TMCC3: variants seen among roughly 807,000 people sequenced by gnomAD.
TMCC3 encodes transmembrane and coiled-coil domain family 3, also known as transmembrane and coiled-coil domain protein 3.
Under a neutral mutation model 40.2 loss-of-function variants are expected in TMCC3, and 28 were observed. That is an observed-to-expected ratio of 0.70 (90% CI 0.52 to 0.95). TMCC3 has a LOEUF of 0.95. Ranked by LOEUF, TMCC3 falls within the 40% of genes least tolerant of loss-of-function variation. The pLI, the probability that TMCC3 is intolerant of heterozygous loss-of-function variation, is 0.00. For synonymous variants in TMCC3, 255 were observed against 248.5 expected, an observed-to-expected ratio of 1.03 and a Z score of -0.25; for missense variants, 554 against 615.2, an observed-to-expected ratio of 0.90 and a Z score of 1.05.
At chr12:94,590,070 A>T (rs2068663275) in intron 1 of TMCC3, among the ~76,000 whole-genome samples, 1 of 50,606 alleles carries the variant, frequency 2.0e-5, no homozygotes, top group Non-Finnish European at 4.4e-5. Context: ...CTGGAGCCAC[A>T]TCAGTCAGGT....
rs1178986394 is a variant in TMCC3, at chr12:94,572,330, A to ATTTTTTTT, written c.1132-594_1132-593insAAAAAAAA. 1.5e-3 allele frequency among the ~76,000 whole-genome samples: 123 copies of ATTTTTTTT among 82,902 alleles called. 8 individuals carry two copies. The highest frequency in any genetic ancestry group is 2.2e-3 in the African/African-American group (37 of 16,664). The allele number at this position is 82,902 out of a possible 152,430, so 54.4% of individuals were successfully genotyped here. A position where few individuals can be genotyped will look rare whatever the true frequency, so the allele number is the denominator to read the frequency against. On this transcript the variant is annotated intron_variant, in intron 3 of 3. Transcript: ENST00000261226. ...TCTTTTTTTTTTTTTTTTTTTTTTGAGACAGAGTTTCACTCTGTCACCCAG... is the reference window on the plus strand; with the variant it reads ...TCTTTTTTTTTTTTTTTTTTTTTTGATTTTTTTTGACAGAGTTTCACTCTGTCACCCAG...
rs1461717738 is a variant in TMCC3 at position 94,578,416 on chromosome 12, T to C, written c.1109A>G (p.Tyr370Cys). ...TACCTGGATGTCCCGCGAGCGCTCG[T>C]AGGCCTGGTAGGCCACCTTCTCCTC... ...SIEEKVAYQA[Y>C]ERSRDIQEAL... is the part of the protein sequence containing the mutation. Residue 370 changes from tyrosine (Y) to cysteine (C), a missense_variant, in exon 3 of 4, where the codon TAC (tyrosine) becomes TGC (cysteine). Coordinates refer to ENST00000261226, the MANE Select transcript of TMCC3 (RefSeq NM_020698.4). The C allele has an allele frequency of 5.6e-6, 9 of 1,614,062 alleles. No individual in the cohort carries two copies. Among genetic ancestry groups the C allele is most frequent in the Non-Finnish European group, 7.6e-6 (9 of 1,179,978 alleles).
At chr12:94,584,006 TG>T (rs2068622801) in intron 1 of TMCC3, among the ~76,000 whole-genome samples, 1 of 152,154 alleles carries the variant, frequency 6.6e-6, no homozygotes, top group Non-Finnish European at 1.5e-5. Context: ...ATATTCAGCA[TG>T]TTACCTTTTT....
At position 94,569,251 on chromosome 12, in the gene TMCC3, G is replaced by A. The variant is rs1311092023; in HGVS notation, c.*2184C>T. 1.3e-5 allele frequency: 2 copies of A among 152,254 alleles called. No homozygotes were observed. The highest frequency in any genetic ancestry group is 2.4e-5 in the African/African-American group (1 of 41,440). 9.4% of individuals were successfully genotyped at this position (152,254 alleles called of 1,614,324 possible). On this transcript the variant is annotated 3_prime_UTR_variant, in exon 4 of 4. Transcript: ENST00000261226. Reference sequence around the variant, plus strand: ...CCACCCAGGCCCCAGCTTGATTTAGGAGTGTAAGTTACACTCAGCACTCAG... The same window carrying A: ...CCACCCAGGCCCCAGCTTGATTTAGAAGTGTAAGTTACACTCAGCACTCAG...
intron 2 of TMCC3, among the ~76,000 whole-genome samples, chr12:94,580,831 T>C (rs1486613300): frequency 6.6e-6 from 1 of 152,218 alleles, no homozygotes; most frequent in East Asian, 1.9e-4. Context: ...AGTAAGTGTG[T>C]ACTTGACAGT....
chr12:94,597,165 AAAT>A (rs2068722608), intron 1 of TMCC3, among the ~76,000 whole-genome samples: 131 of 93,458 alleles, frequency 1.4e-3, no homozygotes, highest in Non-Finnish European at 1.6e-3. Context: ...ATATGTATAT[AAAT>A]TAGCCAGGCC....
At chr12:94,594,232 C>CACACACAGAGAG (rs1446763750) in intron 1 of TMCC3, among the ~76,000 whole-genome samples, 6 of 147,916 alleles carry the variant, frequency 4.1e-5, no homozygotes, top group African/African-American at 1.6e-4. Flanking sequence ...CACACACACA[C>CACACACAGAGAG]AGAGTGAGAG....
rs577732205 is a variant in TMCC3 at position 94,569,462 on chromosome 12, G to C, written c.*1973C>G. 2 of 152,316 alleles carry C rather than the reference G, an allele frequency of 1.3e-5. No individual in the cohort carries two copies. Among genetic ancestry groups the C allele is most frequent in the Non-Finnish European group, 2.9e-5 (2 of 68,048 alleles). 9.4% of individuals were successfully genotyped at this position (152,316 alleles called of 1,614,324 possible). A position where few individuals can be genotyped will look rare whatever the true frequency, so the allele number is the denominator to read the frequency against. On this transcript the variant is annotated 3_prime_UTR_variant, in exon 4 of 4. Coordinates refer to ENST00000261226, the MANE Select transcript of TMCC3 (RefSeq NM_020698.4). Reference sequence around the variant, plus strand: ...GACCAGGGGGAGTCTGACAATGAAAGGAGAGACAGCCATGAGATCAGGGTG... The same window carrying C: ...GACCAGGGGGAGTCTGACAATGAAACGAGAGACAGCCATGAGATCAGGGTG...
rs746473458 is a variant in TMCC3 at position 94,571,664 on chromosome 12, G to A, written c.1205C>T (p.Thr402Ile). 3.1e-6 allele frequency: 5 copies of A among 1,614,122 alleles called. No individual in the cohort carries two copies. The African/African-American group carries it at 5.3e-5, about 17-fold the overall frequency. ...GAGAACTTTAGCATTCACGGTGTCT[G>A]TCTGCAGAGCTTGCTGCTCTTGCTG... ...LHQQEQQALQ[T>I]DTVNAKVLLG... Residue 402 changes from threonine to isoleucine, a missense_variant, in exon 4 of 4, where the codon ACA (threonine) becomes ATA (isoleucine). Coordinates refer to ENST00000261226, the MANE Select transcript of TMCC3 (RefSeq NM_020698.4).
At chr12:94,635,554 T>C (rs2138880112) in intron 1 of TMCC3, among the ~76,000 whole-genome samples, 1 of 152,240 alleles carries the variant, frequency 6.6e-6, no homozygotes, top group African/African-American at 2.4e-5. Flanking sequence ...AGCAAAATTT[T>C]AAAACACACA....
At chr12:94,649,160 C>CA (rs1214112715) in intron 1 of TMCC3, among the ~76,000 whole-genome samples, 2 of 152,144 alleles carry the variant, frequency 1.3e-5, no homozygotes, top group Non-Finnish European at 2.9e-5. Context: ...ATCATCCTTC[C>CA]AAAATGATTA....
intron 1 of TMCC3, among the ~76,000 whole-genome samples, chr12:94,620,711 C>T (rs751045316): frequency 4.6e-5 from 7 of 151,940 alleles, no homozygotes; most frequent in Non-Finnish European, 8.8e-5. Context: ...CTTTGCTAAA[C>T]ACGAACTAGA....
At chr12:94,620,700 T>C (rs2068871581) in intron 1 of TMCC3, among the ~76,000 whole-genome samples, 1 of 152,174 alleles carries the variant, frequency 6.6e-6, no homozygotes, top group Non-Finnish European at 1.5e-5. Flanking sequence ...TATCACTTAA[T>C]CTTTGCTAAA....
Position 94,650,517 on chromosome 12 carries a change from G to A in TMCC3, c.-87C>T. On this transcript the variant is annotated 5_prime_UTR_variant, in exon 1 of 4. Transcript: ENST00000261226. The stretch of plus-strand genomic sequence containing the variant: ...TGTGCTCGGGATCACCCTGGGAGCC[G>A]CGGGCGAGGGGGCGGCGCGGCTGCT... The A allele has an allele frequency of 9.3e-7, 1 of 1,071,810 alleles. No homozygotes were observed. The highest frequency in any genetic ancestry group is 1.2e-6 in the Non-Finnish European group (1 of 850,736). The allele number at this position is 1,071,810 out of a possible 1,614,324, so 66.4% of individuals were successfully genotyped here.
At chr12:94,583,575 ATT>A (rs1485527229) in intron 1 of TMCC3, among the ~76,000 whole-genome samples, 1 of 152,206 alleles carries the variant, frequency 6.6e-6, no homozygotes, top group African/African-American at 2.4e-5. Context: ...CTCAAGGGCC[ATT>A]TAGGGAAAAG....
intron 3 of TMCC3, among the ~76,000 whole-genome samples, chr12:94,576,041 G>A (rs1257990173): frequency 6.6e-6 from 1 of 152,154 alleles, no homozygotes; most frequent in East Asian, 1.9e-4. Flanking sequence ...GCCTCCCAAA[G>A]TGCTGCGATT....
chr12:94,598,225 T>C (rs1198838738), intron 1 of TMCC3, among the ~76,000 whole-genome samples: 1 of 152,230 alleles, frequency 6.6e-6, no homozygotes, highest in East Asian at 1.9e-4. Flanking sequence ...AGCCATGTGA[T>C]TCCAGCCCAA....
At chr12:94,588,648 C>T (rs1231598506) in intron 1 of TMCC3, among the ~76,000 whole-genome samples, 1 of 152,194 alleles carries the variant, frequency 6.6e-6, no homozygotes, top group African/African-American at 2.4e-5. Context: ...AAGGCTTTTA[C>T]AAGTCTTCGT....
At chr12:94,648,091 T>A (rs2069030313) in intron 1 of TMCC3, among the ~76,000 whole-genome samples, 2 of 152,198 alleles carry the variant, frequency 1.3e-5, no homozygotes, top group Non-Finnish European at 2.9e-5. Flanking sequence ...ACTGGCCCAA[T>A]GTGCTAATTT....
Sources: allele counts gnomAD v4.1 joint callset (sites outside exome capture counted in the v4.1 genomes callset), GRCh38; gene constraint gnomAD v4.1.1; transcripts MANE v1.5; gene names NCBI Gene and HGNC (gene_info 2026-07-23, HGNC 2026-07-21).